The following RTF2 variants were observed in gnomAD, a reference collection of about 807,000 sequenced individuals.
The protein encoded by RTF2 is replication termination factor 2.
In RTF2, 18 loss-of-function variants were observed where a neutral mutation model predicts 38.0. That is an observed-to-expected ratio of 0.47 (90% CI 0.33 to 0.70). The LOEUF (loss-of-function observed/expected upper bound fraction) is 0.70. Among genes scored for constraint, RTF2 ranks in the 30% least tolerant of loss-of-function variants. The pLI is 0.02. For synonymous variants in RTF2, 126 were observed against 137.1 expected (o/e 0.92, Z 0.57); for missense variants, 311 against 379.6 (o/e 0.82, Z 1.50).
At chr20:56,512,750 C>T (rs1044501493) in intron 5 of RTF2, among the ~76,000 whole-genome samples, 3 of 152,156 alleles carry the variant, frequency 2.0e-5, no homozygotes, top group African/African-American at 7.2e-5. Flanking sequence ...AGGGAAAAGG[C>T]GCATGTAGCA....
intron 5 of RTF2, among the ~76,000 whole-genome samples, chr20:56,488,742 G>T (rs1194005580): frequency 1.3e-5 from 2 of 152,208 alleles, no homozygotes; most frequent in African/African-American, 2.4e-5. Flanking sequence ...TGTTCATTTT[G>T]TTCTTTCACT....
intron 5 of RTF2, among the ~76,000 whole-genome samples, chr20:56,489,964 A>G (rs1287275558): frequency 6.6e-6 from 1 of 152,190 alleles, no homozygotes; most frequent in African/African-American, 2.4e-5. Context: ...GTGGGCTGTC[A>G]TGGGGCTCTT....
Position 56,468,682 on chromosome 20 carries a change from T to C in RTF2, c.-16T>C, listed in dbSNP as rs1277246305. 1 of 1,567,432 alleles carries C rather than the reference T, an allele frequency of 6.4e-7. No homozygotes were observed. The highest frequency in any genetic ancestry group is 8.6e-7 in the Non-Finnish European group (1 of 1,156,192). On this transcript the variant is annotated 5_prime_UTR_variant, in exon 1 of 9. Transcript: ENST00000357348. ...AGCTTTGGGGGTTTGCTGCTGGCTCTGACTCCCGTCCTGCGATGGGTTGCG... is the reference window on the plus strand; with the variant it reads ...AGCTTTGGGGGTTTGCTGCTGGCTCCGACTCCCGTCCTGCGATGGGTTGCG...
chr20:56,485,087 G>A (rs1227953385), intron 5 of RTF2, among the ~76,000 whole-genome samples: 1 of 152,140 alleles, frequency 6.6e-6, no homozygotes, highest in Non-Finnish European at 1.5e-5. Flanking sequence ...ATTGGAGAGA[G>A]AGACCCTCAA....
chr20:56,470,854 GC>G (rs1329896956), intron 1 of RTF2: 67 of 328,690 alleles, frequency 2.0e-4, no homozygotes, highest in African/African-American at 1.4e-3. Flanking sequence ...CATGAGGACA[GC>G]CCTGCACTTG....
intron 5 of RTF2, among the ~76,000 whole-genome samples, chr20:56,509,804 A>T (rs941189789): frequency 2.6e-5 from 4 of 152,264 alleles, no homozygotes; most frequent in African/African-American, 7.2e-5. Context: ...CTAGGTATCT[A>T]CCCAACAGAA....
chr20:56,475,519 G>T (rs16979962), intron 3 of RTF2, among the ~76,000 whole-genome samples: 244 of 152,316 alleles, frequency 1.6e-3, no homozygotes, highest in African/African-American at 5.6e-3. Flanking sequence ...ATTCTGAAAT[G>T]TAGCTAATGA....
chr20:56,508,836 T>C (rs1568709813), intron 5 of RTF2, among the ~76,000 whole-genome samples: 1 of 152,222 alleles, frequency 6.6e-6, no homozygotes, highest in South Asian at 2.1e-4. Flanking sequence ...AGAATGAATT[T>C]GGACCCTTAC....
intron 5 of RTF2, among the ~76,000 whole-genome samples, chr20:56,505,241 C>T (rs1391142733): frequency 2.0e-5 from 3 of 152,074 alleles, no homozygotes; most frequent in Admixed American, 6.6e-5. Flanking sequence ...AATCCCAGCA[C>T]TTTGAGAGGC....
At position 56,500,811 on chromosome 20, in the gene RTF2, C is replaced by T. The variant is rs1022056390; in HGVS notation, c.478-12504C>T. Among the ~76,000 whole-genome samples the T allele has an allele frequency of 4.6e-5, 7 of 152,154 alleles. No homozygotes were observed. In the East Asian group the frequency reaches 7.7e-4, roughly 17 times the overall value. ...TAAACTTTTTTTTGAGACAAGGCCT[C>T]ACTCTTATCACTCAGGCTGGAGTGC... On this transcript the variant is annotated intron_variant, in intron 5 of 8. Coordinates refer to ENST00000357348, the MANE Select transcript of RTF2 (RefSeq NM_016407.5).
At chr20:56,512,595 A>G (rs985747335) in intron 5 of RTF2, among the ~76,000 whole-genome samples, 2 of 152,148 alleles carry the variant, frequency 1.3e-5, no homozygotes, top group African/African-American at 2.4e-5. Flanking sequence ...CCCTGCTCGC[A>G]GTCTTGTTCT....
intron 6 of RTF2, chr20:56,515,593 GAGAGAGACACACACACACACACAC>G (rs1458307391): frequency 4.4e-5 from 5 of 113,978 alleles, no homozygotes; most frequent in Admixed American, 1.8e-4. Context: ...GAGAGAGAGA[GAGAGAGACACACACACACACACAC>G]ACACACACAC....
intron 5 of RTF2, 113 bp from the exon 6 acceptor site, chr20:56,513,202 G>A: frequency 7.1e-7 from 1 of 1,399,940 alleles, no homozygotes; most frequent in Non-Finnish European, 9.6e-7. Context: ...GCCGGTAATA[G>A]GAATTTACTC....
At chr20:56,508,195 T>G (rs1260313735) in intron 5 of RTF2, among the ~76,000 whole-genome samples, 1 of 152,166 alleles carries the variant, frequency 6.6e-6, no homozygotes, top group Non-Finnish European at 1.5e-5. Context: ...AGAACCACAT[T>G]AAATAACCCA....
chr20:56,477,247 C>A (rs371924706), intron 4 of RTF2, 123 bp downstream of exon 4: 2 of 1,104,590 alleles, frequency 1.8e-6, no homozygotes, highest in East Asian at 5.2e-5. Flanking sequence ...GGTTTGGTGG[C>A]GCCTTGGAGG....
intron 5 of RTF2, chr20:56,495,341 C>T: frequency 7.0e-7 from 1 of 1,422,564 alleles, no homozygotes; most frequent in South Asian, 1.2e-5. Context: ...AATCTGCTTC[C>T]CAGTTCTTTT....
chr20:56,500,932 G>C (rs2146353464), intron 5 of RTF2, among the ~76,000 whole-genome samples: 1 of 152,072 alleles, frequency 6.6e-6, no homozygotes, highest in Non-Finnish European at 1.5e-5. Flanking sequence ...CAGGCATCTG[G>C]CTGATTTTTT....
chr20:56,476,603 G>A (rs1447844463), intron 3 of RTF2, among the ~76,000 whole-genome samples: 1 of 151,572 alleles, frequency 6.6e-6, no homozygotes, highest in Admixed American at 6.6e-5. Context: ...GGGTTCAAGC[G>A]ATTCTCCTGC....
At position 56,518,421 on chromosome 20, in the gene RTF2, A is replaced by C. The variant is rs1356730796; in HGVS notation, c.*156A>C. ...CTTCAAGCTGGTGTGGCCACTCTTG[A>C]TGTGAGGCGTGTCGGTTCCAGGGGG... On this transcript the variant is annotated 3_prime_UTR_variant, in exon 9 of 9. Transcript: ENST00000357348. 2 of 679,552 alleles carry C rather than the reference A, an allele frequency of 2.9e-6. No homozygotes were observed. The highest frequency in any genetic ancestry group is 1.8e-5 in the African/African-American group (1 of 54,608). 42.1% of individuals were successfully genotyped at this position (679,552 alleles called of 1,614,324 possible). A position where few individuals can be genotyped will look rare whatever the true frequency, so the allele number is the denominator to read the frequency against.
Sources: allele counts gnomAD v4.1 joint callset (sites outside exome capture counted in the v4.1 genomes callset), GRCh38; gene constraint gnomAD v4.1.1; transcripts MANE v1.5; gene names NCBI Gene and HGNC (gene_info 2026-07-23, HGNC 2026-07-21).